The following WT1 variants were observed in gnomAD, a reference collection of about 807,000 sequenced individuals.
The protein encoded by WT1 is Wilms tumor protein.
In WT1, 8 loss-of-function variants were observed where a neutral mutation model predicts 60.8. The observed-to-expected ratio is 0.13, with a 90% CI of 0.08 to 0.24. The LOEUF is 0.24. Among genes scored for constraint, WT1 ranks in the 10% least tolerant of loss-of-function variants. The pLI is 1.00. For synonymous variants in WT1, 312 were observed against 297.1 expected (o/e 1.05, Z -0.52); for missense variants, 568 against 711.8 (o/e 0.80, Z 2.30).
intron 1 of WT1, 92 bp from the exon 2 acceptor site, chr11:32,428,711 C>A (rs575563762): frequency 1.3e-6 from 2 of 1,535,228 alleles, no homozygotes; most frequent in Admixed American, 3.8e-5. Flanking sequence ...GGGGGGTGTG[C>A]GCTGAACCCC....
intron 7 of WT1, among the ~76,000 whole-genome samples, chr11:32,393,895 T>A (rs929983671): frequency 1.3e-5 from 2 of 152,190 alleles, no homozygotes; most frequent in African/African-American, 4.8e-5. Context: ...AGCCTTTTTA[T>A]TTTTATTTTT....
At chr11:32,399,797 G>A in intron 6 of WT1, 151 bp downstream of exon 6, 1 of 838,542 alleles carries the variant, frequency 1.2e-6, no homozygotes, top group Non-Finnish European at 1.9e-6. Flanking sequence ...ATCAGACCCA[G>A]GGGACGAGCA....
chr11:32,404,012 G>T (rs1294462152), intron 5 of WT1, among the ~76,000 whole-genome samples: 4 of 151,986 alleles, frequency 2.6e-5, no homozygotes, highest in African/African-American at 9.7e-5. Flanking sequence ...GGTGGCTCAC[G>T]CCTGTAATCC....
At chr11:32,418,658 T>A (rs548033632) in intron 3 of WT1, among the ~76,000 whole-genome samples, 1 of 152,336 alleles carries the variant, frequency 6.6e-6, no homozygotes, top group South Asian at 2.1e-4. Context: ...GGTCATGGCA[T>A]TCTTTTAAGC....
intron 1 of WT1, among the ~76,000 whole-genome samples, chr11:32,432,122 A>G (rs1291630929): frequency 2.0e-5 from 3 of 152,264 alleles, no homozygotes; most frequent in Non-Finnish European, 2.9e-5. Flanking sequence ...GATGCAAGAT[A>G]TAATATTTAA....
chr11:32,414,872 C>CAA (rs551997180), intron 5 of WT1, among the ~76,000 whole-genome samples: 72 of 88,744 alleles, frequency 8.1e-4, no homozygotes, highest in African/African-American at 2.5e-3. Flanking sequence ...GACTCCATAT[C>CAA]AAAAAAAAAA....
At chr11:32,423,537 C>G (rs764804122) in intron 3 of WT1, among the ~76,000 whole-genome samples, 4 of 152,218 alleles carry the variant, frequency 2.6e-5, no homozygotes, top group Non-Finnish European at 5.9e-5. Flanking sequence ...AGGAGACCAT[C>G]CTTGAGTGAG....
Position 32,434,983 on chromosome 11 carries a change from G to A in WT1, c.378C>T (p.Gly126=). Residue 126 remains glycine (G), a synonymous_variant, in exon 1 of 10, where the codon GGC becomes GGT. Coordinates refer to ENST00000452863, the MANE Select transcript of WT1 (RefSeq NM_024426.6). ...GCGGCGGAGCCGGTGGCGGCGCGGG[G>A]CCGCCCAACGACCCGTAAGCCGAAG... 1 of 1,515,870 alleles carries A rather than the reference G, an allele frequency of 6.6e-7. No homozygotes were observed. Among genetic ancestry groups the A allele is most frequent in the Non-Finnish European group, 8.8e-7 (1 of 1,139,192 alleles). The allele number at this position is 1,515,870 out of a possible 1,614,324, so 93.9% of individuals were successfully genotyped here. A position where few individuals can be genotyped will look rare whatever the true frequency, so the allele number is the denominator to read the frequency against.
intron 1 of WT1, among the ~76,000 whole-genome samples, chr11:32,429,272 C>T (rs1853180052): frequency 1.3e-5 from 2 of 152,198 alleles, no homozygotes. Flanking sequence ...CTCTCCTCCT[C>T]CTCCCCCCTA....
chr11:32,433,019 A>G (rs1853363879), intron 1 of WT1, among the ~76,000 whole-genome samples: 1 of 152,148 alleles, frequency 6.6e-6, no homozygotes, highest in African/African-American at 2.4e-5. Context: ...TAAAGCCCCA[A>G]GAGGGTGGTG....
chr11:32,413,559 A>G (rs758033508), intron 5 of WT1, among the ~76,000 whole-genome samples: 3 of 152,238 alleles, frequency 2.0e-5, no homozygotes, highest in Non-Finnish European at 4.4e-5. Flanking sequence ...CCAAGGTGTC[A>G]CCATGTTTGA....
At chr11:32,401,344 TG>T (rs1852148142) in intron 5 of WT1, among the ~76,000 whole-genome samples, 1 of 152,076 alleles carries the variant, frequency 6.6e-6, no homozygotes, top group African/African-American at 2.4e-5. Context: ...TGCCTTGAAC[TG>T]GGGGAGTTGG....
At position 32,401,700 on chromosome 11, in the gene WT1, C is replaced by T. The variant is rs1489687102; in HGVS notation, c.1017-1656G>A. Reference sequence around the variant, plus strand: ...GATTACAGGCGCACGTCACCATACCCGGCTCATTTTTGTACTTTTAGTAGA... The same window carrying T: ...GATTACAGGCGCACGTCACCATACCTGGCTCATTTTTGTACTTTTAGTAGA... On this transcript the variant is annotated intron_variant, in intron 5 of 9. Transcript: ENST00000452863. 3.3e-5 allele frequency among the ~76,000 whole-genome samples: 5 copies of T among 152,018 alleles called. No homozygotes were observed. The South Asian group carries it at 6.2e-4, about 19-fold the overall frequency.
chr11:32,435,035 G>C lies in WT1; in HGVS notation c.326C>G (p.Pro109Arg), dbSNP rs1853459569. Reference sequence around the variant, plus strand: ...GCCCGGGGGCGCAAAGTCCAGCACCGGCGCCCACTGCGCCGCGCCGCTCAC... The same window carrying C: ...GCCCGGGGGCGCAAAGTCCAGCACCCGCGCCCACTGCGCCGCGCCGCTCAC... Residue 109 changes from proline (P) to arginine (R), a missense_variant, in exon 1 of 10, where the codon CCG becomes CGG. Around this residue, in one of 3 missense-constraint regions of WT1, gnomAD observed 523 missense variants for 565.1 expected, o/e 0.93. Transcript: ENST00000452863. 3.4e-6 allele frequency: 5 copies of C among 1,461,478 alleles called. No individual in the cohort carries two copies. Among genetic ancestry groups the C allele is most frequent in the African/African-American group, 1.5e-5 (1 of 66,964 alleles). The allele number at this position is 1,461,478 out of a possible 1,614,324, so 90.5% of individuals were successfully genotyped here. A position where few individuals can be genotyped will look rare whatever the true frequency, so the allele number is the denominator to read the frequency against.
intron 9 of WT1, among the ~76,000 whole-genome samples, chr11:32,391,262 A>G (rs568026199): frequency 6.6e-6 from 1 of 152,316 alleles, no homozygotes; most frequent in East Asian, 1.9e-4. Flanking sequence ...GATTACAGGC[A>G]TGAGCCACCA....
intron 7 of WT1, among the ~76,000 whole-genome samples, chr11:32,394,719 G>A (rs1430398363): frequency 1.3e-5 from 2 of 152,092 alleles, no homozygotes; most frequent in Non-Finnish European, 2.9e-5. Context: ...CTTTCAAGGG[G>A]GACTGTAGGA....
chr11:32,424,036 C>A (rs1037510500), intron 3 of WT1, among the ~76,000 whole-genome samples: 2 of 151,956 alleles, frequency 1.3e-5, no homozygotes, highest in African/African-American at 2.4e-5. Context: ...GTGGCACATG[C>A]CTGTAGTCCC....
intron 5 of WT1, among the ~76,000 whole-genome samples, chr11:32,413,072 A>G (rs1253352077): frequency 1.3e-5 from 2 of 152,198 alleles, no homozygotes; most frequent in Non-Finnish European, 2.9e-5. Context: ...TTGTGAAGCC[A>G]CTTTTTTGAA....
intron 1 of WT1, among the ~76,000 whole-genome samples, chr11:32,429,663 C>T (rs915711850): frequency 6.6e-6 from 1 of 152,160 alleles, no homozygotes; most frequent in Non-Finnish European, 1.5e-5. Flanking sequence ...CATTCCTCTA[C>T]AAGTTCCGGA....
Sources: gnomAD v4.1 joint callset for allele counts (sites outside exome capture counted in the v4.1 genomes callset) on GRCh38, gnomAD v4.1.1 for gene constraint, gnomAD v4.1.1 regional missense constraint, MANE v1.5 for transcripts, NCBI Gene and HGNC (gene_info 2026-07-23, HGNC 2026-07-21) for gene names.